Variants in USP6NL observed in about 807,000 individuals in gnomAD.
USP6NL encodes the protein USP6 N-terminal-like protein.
USP6NL carries 26 observed loss-of-function variants against 61.9 expected under a neutral mutation model. That is an observed-to-expected ratio of 0.42 (90% CI 0.31 to 0.58). The LOEUF is 0.58. Ranked by LOEUF, USP6NL falls within the 20% of genes least tolerant of loss-of-function variation. The pLI is 0.16. For synonymous variants in USP6NL, 432 were observed against 390.1 expected (o/e 1.11, Z -1.27); for missense variants, 1,114 against 1,034.3 (o/e 1.08, Z -1.06).
At chr10:11,565,238 T>TTG (rs781134938) in intron 2 of USP6NL, 11 of 152,198 alleles carry the variant, frequency 7.2e-5, no homozygotes, top group Non-Finnish European at 1.2e-4. Context: ...CGATACACAC[T>TTG]TGAGTATACC....
rs1468280052 is a variant in USP6NL, at chr10:11,474,751, G to GA, written c.1078+7018dup. On this transcript the variant is annotated intron_variant, in intron 14 of 14. Coordinates refer to ENST00000609104, the MANE Select transcript of USP6NL (RefSeq NM_014688.5). The surrounding 1 kb of genome is among the most constrained non-coding windows in gnomAD (Gnocchi z 4.9). ...AAATGACTACTGCAAAGGGCTGCTGGAAAAAATTAAGTTAATATGTGAATT... is the reference window on the plus strand; with the variant it reads ...AAATGACTACTGCAAAGGGCTGCTGGAAAAAAATTAAGTTAATATGTGAATT... Among the ~76,000 whole-genome samples, 2 of 151,430 alleles carry GA rather than the reference G, an allele frequency of 1.3e-5. No individual in the cohort carries two copies. The highest frequency in any genetic ancestry group is 2.9e-5 in the Non-Finnish European group (2 of 67,908).
intron 2 of USP6NL, among the ~76,000 whole-genome samples, chr10:11,583,091 T>G (rs1837840404): frequency 6.6e-6 from 1 of 151,880 alleles, no homozygotes; most frequent in African/African-American, 2.4e-5. Context: ...ACAGGAGAGT[T>G]GTGTCCTTAC....
intron 1 of USP6NL, among the ~76,000 whole-genome samples, chr10:11,605,774 G>T (rs1000189705): frequency 2.0e-5 from 3 of 152,114 alleles, no homozygotes; most frequent in Non-Finnish European, 2.9e-5. Context: ...GATTAGAAAT[G>T]AAGACTAACT....
At chr10:11,504,223 C>A (rs1319881256) in intron 6 of USP6NL, among the ~76,000 whole-genome samples, 1 of 152,126 alleles carries the variant, frequency 6.6e-6, no homozygotes. Context: ...ATTACAGTTA[C>A]ATATCTTTCT....
intron 2 of USP6NL, among the ~76,000 whole-genome samples, chr10:11,529,010 C>CA (rs1835536145): frequency 6.6e-6 from 1 of 152,160 alleles, no homozygotes; most frequent in Non-Finnish European, 1.5e-5. Flanking sequence ...AATGGAGGCA[C>CA]ACAGGAAAAG....
chr10:11,564,082 T>C (rs574911806), intron 2 of USP6NL: 2 of 152,316 alleles, frequency 1.3e-5, no homozygotes, highest in East Asian at 3.9e-4. Flanking sequence ...ATCGTGAATC[T>C]AGCAGATGTT....
rs552486081 is a variant in USP6NL at position 11,553,922 on chromosome 10, C to T, written c.5-26355G>A. 2.5e-4 allele frequency among the ~76,000 whole-genome samples: 37 copies of T among 150,116 alleles called. No individual in the cohort carries two copies. In the South Asian group the frequency reaches 6.3e-3, roughly 26 times the overall value. On this transcript the variant is annotated intron_variant, in intron 2 of 14. Transcript: ENST00000609104. The surrounding 1 kb of genome is among the most constrained non-coding windows in gnomAD (Gnocchi z 4.8). ...AAAAAAAAGCAAGATTAAAACAAGA[C>T]AAGATGTTTATGTCTCTCCTGATGT...
rs893959570 is a variant in USP6NL at position 11,553,933 on chromosome 10, T to C, written c.5-26366A>G. Among the ~76,000 whole-genome samples, 1 of 151,606 alleles carries C rather than the reference T, an allele frequency of 6.6e-6. No homozygotes were observed. Among genetic ancestry groups the C allele is most frequent in the Non-Finnish European group, 1.5e-5 (1 of 67,948 alleles). ...AGATTAAAACAAGACAAGATGTTTATGTCTCTCCTGATGTCTAAGAAATCT... is the reference window on the plus strand; with the variant it reads ...AGATTAAAACAAGACAAGATGTTTACGTCTCTCCTGATGTCTAAGAAATCT... On this transcript the variant is annotated intron_variant, in intron 2 of 14. Coordinates refer to ENST00000609104, the MANE Select transcript of USP6NL (RefSeq NM_014688.5). This position sits in a 1 kb window ranked among gnomAD's most constrained non-coding sequence, Gnocchi z 4.8.
At chr10:11,467,596 T>C (rs539637874) in intron 14 of USP6NL, among the ~76,000 whole-genome samples, 2 of 152,350 alleles carry the variant, frequency 1.3e-5, no homozygotes, top group South Asian at 4.1e-4. Flanking sequence ...TAGAAACTTG[T>C]AGCAGCCTAC....
intron 2 of USP6NL, among the ~76,000 whole-genome samples, chr10:11,568,502 C>T (rs112486048): frequency 1.1e-3 from 173 of 152,288 alleles, no homozygotes; most frequent in Non-Finnish European, 1.8e-3. Context: ...CTTCTAAATA[C>T]GACTGCCAAA....
At position 11,484,989 on chromosome 10, in the gene USP6NL, T is replaced by C; in HGVS notation, c.907A>G (p.Ile303Val). ...TTCTTACTTTTGTGTAATTTTAAGA[T>C]GGTGTAAGACATAGCAGTAAGAACT... ...ERVLTAMSYT[I>V]LKLHKKHLMK... The change falls in exon 13 of 15, where the codon ATC becomes GTC. Residue 303 changes from isoleucine (I) to valine (V), a missense_variant. Ile to Val is a conservative substitution (Grantham distance 29, BLOSUM62 3). Coordinates refer to ENST00000609104, the MANE Select transcript of USP6NL (RefSeq NM_014688.5). 2 of 1,525,558 alleles carry C rather than the reference T, an allele frequency of 1.3e-6. No individual in the cohort carries two copies. The highest frequency in any genetic ancestry group is 1.8e-6 in the Non-Finnish European group (2 of 1,139,582). 94.5% of individuals were successfully genotyped at this position (1,525,558 alleles called of 1,614,324 possible).
rs555850690 is a variant in USP6NL at position 11,569,130 on chromosome 10, C to T, written c.4+28501G>A. On this transcript the variant is annotated intron_variant, in intron 2 of 14. Coordinates refer to ENST00000609104, the MANE Select transcript of USP6NL (RefSeq NM_014688.5). ...ACAACCAAATAAAGTAAATTAGATG[C>T]TATAACTTTAGTTTTGTAAGCTTAA... is the stretch of plus-strand genomic sequence containing the variant. Among the ~76,000 whole-genome samples the T allele has an allele frequency of 4.6e-5, 7 of 152,260 alleles. No individual in the cohort carries two copies. The East Asian group carries it at 1.3e-3, about 29-fold the overall frequency.
At chr10:11,498,379 G>C (rs916519653) in intron 7 of USP6NL, among the ~76,000 whole-genome samples, 1 of 150,456 alleles carries the variant, frequency 6.6e-6, no homozygotes, top group African/African-American at 2.5e-5. Context: ...ACTGCTAAAT[G>C]CAAGAGAGAA....
At position 11,496,791 on chromosome 10, in the gene USP6NL, T is replaced by A. The variant is rs780772204; in HGVS notation, c.385-3563A>T. 1.1e-4 allele frequency among the ~76,000 whole-genome samples: 17 copies of A among 152,106 alleles called. No individual in the cohort carries two copies. Among genetic ancestry groups the A allele is most frequent in the Non-Finnish European group, 1.6e-4 (11 of 68,020 alleles). On this transcript the variant is annotated intron_variant, in intron 7 of 14. Transcript: ENST00000609104. This position sits in a 1 kb window ranked among gnomAD's most constrained non-coding sequence, Gnocchi z 5.4. ...TGTCTATTATAAGGCTATCTGGGCA[T>A]GTCTAGAATAAGGCTATTTGGGCAT...
At chr10:11,522,098 T>C (rs958485657) in intron 4 of USP6NL, among the ~76,000 whole-genome samples, 3 of 152,190 alleles carry the variant, frequency 2.0e-5, no homozygotes, top group Admixed American at 6.5e-5. Flanking sequence ...CAGAGCTCAG[T>C]TGGTTTGGCA....
At chr10:11,521,755 T>C (rs1479342510) in intron 4 of USP6NL, among the ~76,000 whole-genome samples, 1 of 152,216 alleles carries the variant, frequency 6.6e-6, no homozygotes, top group Admixed American at 6.5e-5. Flanking sequence ...CACAGTAAAC[T>C]ACAGAGAGTC....
At chr10:11,486,716 A>C (rs2133245828) in intron 10 of USP6NL, among the ~76,000 whole-genome samples, 1 of 152,318 alleles carries the variant, frequency 6.6e-6, no homozygotes, top group East Asian at 1.9e-4. Context: ...ACCAGAGGAC[A>C]CATTTACATC....
At chr10:11,559,024 T>C (rs1023904798) in intron 2 of USP6NL, among the ~76,000 whole-genome samples, 9 of 152,178 alleles carry the variant, frequency 5.9e-5, no homozygotes, top group South Asian at 2.1e-4. Flanking sequence ...CAGACTTCTA[T>C]AGTCATGACA....
chr10:11,498,235 CAAAA>C (rs11341542), intron 7 of USP6NL, among the ~76,000 whole-genome samples: 5 of 38,802 alleles, frequency 1.3e-4, no homozygotes, highest in Non-Finnish European at 1.4e-4. Context: ...CACTCTGTCT[CAAAA>C]AAAAAAAAAA....
Sources: allele counts gnomAD v4.1 joint callset (sites outside exome capture counted in the v4.1 genomes callset), GRCh38; gene constraint gnomAD v4.1.1; non-coding constraint Gnocchi (gnomAD v3.1); transcripts MANE v1.5; gene names NCBI Gene and HGNC (gene_info 2026-07-23, HGNC 2026-07-21).